Variants in MS4A4A observed in about 807,000 individuals in gnomAD.
The protein encoded by MS4A4A is membrane-spanning 4-domains subfamily A member 4A.
Under a neutral mutation model 28.0 loss-of-function variants are expected in MS4A4A, and 26 were observed. The observed-to-expected ratio is 0.93, with a 90% confidence interval of 0.68 to 1.29. The LOEUF (loss-of-function observed/expected upper bound fraction) is 1.29, where lower values mean the gene tolerates loss of function less well. Among genes scored for constraint, MS4A4A ranks in the 50% most tolerant of loss-of-function variants. The pLI, the probability that MS4A4A is intolerant of heterozygous loss-of-function variation, is 0.00. For synonymous variants in MS4A4A, 86 were observed against 100.8 expected, an observed-to-expected ratio of 0.85 and a Z score of 0.88; for missense variants, 290 against 293.1, an observed-to-expected ratio of 0.99 and a Z score of 0.08.
chr11:60,287,700 T>G (rs970866907), intron 1 of MS4A4A, among the ~76,000 whole-genome samples: 1 of 152,190 alleles, frequency 6.6e-6, no homozygotes. Context: ...TGGATGAGAC[T>G]CAAGGTATGA....
At chr11:60,280,865 C>A (rs895380362) in intron 1 of MS4A4A, 149 bp downstream of exon 1, 1 of 875,258 alleles carries the variant, frequency 1.1e-6, no homozygotes, top group Non-Finnish European at 1.8e-6. Flanking sequence ...GGGTTGAGTG[C>A]ACCTTTAAAT....
Position 60,281,884 on chromosome 11 carries a change from C to T in MS4A4A, c.41+1168C>T, listed in dbSNP as rs146192565. ...ACCAAGGTTTAAATTCTTCTCCAAC[C>T]TGGAAGAAATGTCCCTCATATGCAT... On this transcript the variant is annotated intron_variant, in intron 1 of 6. Coordinates refer to ENST00000337908, the MANE Select transcript of MS4A4A (RefSeq NM_148975.3). 3.6e-4 allele frequency among the ~76,000 whole-genome samples: 55 copies of T among 152,204 alleles called. No homozygotes were observed. The East Asian group carries it at 8.7e-3, about 24-fold the overall frequency.
rs763984914 is a variant in MS4A4A at position 60,308,226 on chromosome 11, T to G, written c.*48T>G. On this transcript the variant is annotated 3_prime_UTR_variant, in exon 7 of 7. Transcript: ENST00000337908. The stretch of plus-strand genomic sequence containing the variant: ...AAATGCTCCAGAAATCTATGCTGAC[T>G]GTGACACAAGAGCCTCACATGAGAA... 11 of 1,564,196 alleles carry G rather than the reference T, an allele frequency of 7.0e-6. No individual in the cohort carries two copies. The highest frequency in any genetic ancestry group is 9.7e-6 in the Non-Finnish European group (11 of 1,135,666).
At chr11:60,294,400 G>T (rs1054592778) in intron 2 of MS4A4A, among the ~76,000 whole-genome samples, 1 of 152,118 alleles carries the variant, frequency 6.6e-6, no homozygotes, top group Non-Finnish European at 1.5e-5. Flanking sequence ...CTCCCAGTCT[G>T]TTGTTTGTCT....
intron 3 of MS4A4A, among the ~76,000 whole-genome samples, chr11:60,299,664 G>A (rs1300769680): frequency 2.0e-5 from 3 of 151,808 alleles, no homozygotes; most frequent in Admixed American, 1.3e-4. Flanking sequence ...TAGTACAGAC[G>A]GGGTTTCACT....
intron 5 of MS4A4A, among the ~76,000 whole-genome samples, chr11:60,304,273 G>A (rs1321516697): frequency 6.6e-6 from 1 of 152,182 alleles, no homozygotes; most frequent in Non-Finnish European, 1.5e-5. Context: ...CAACTTGATA[G>A]GGCTGATTTC....
Position 60,287,812 on chromosome 11 carries a change from C to A in MS4A4A, c.42-4413C>A, listed in dbSNP as rs184612322. On this transcript the variant is annotated intron_variant, in intron 1 of 6. Transcript: ENST00000337908. ...GAAACAGGTGCAGAATAGACTTTCT[C>A]AGTTCAAAAGAAATAACTAGGCAAG... Among the ~76,000 whole-genome samples the A allele has an allele frequency of 1.3e-3, 194 of 152,322 alleles. 1 individual carries two copies. Among genetic ancestry groups the A allele is most frequent in the Non-Finnish European group, 8.5e-4 (58 of 68,022 alleles).
chr11:60,304,592 T>C (rs1305279911), intron 5 of MS4A4A, among the ~76,000 whole-genome samples: 1 of 152,262 alleles, frequency 6.6e-6, no homozygotes, highest in Non-Finnish European at 1.5e-5. Flanking sequence ...CAGGTCTATA[T>C]ACATGCTACC....
chr11:60,283,172 A>G (rs1287073612), intron 1 of MS4A4A, among the ~76,000 whole-genome samples: 1 of 152,138 alleles, frequency 6.6e-6, no homozygotes, highest in Non-Finnish European at 1.5e-5. Flanking sequence ...GGCTTACTGC[A>G]GCCTGGGCCT....
At chr11:60,308,013 GT>G (rs770919013) in intron 6 of MS4A4A, 93 bp from the exon 7 acceptor site, 39 of 1,102,474 alleles carry the variant, frequency 3.5e-5, no homozygotes, top group African/African-American at 6.2e-5. Flanking sequence ...GAAGAAAAGA[GT>G]AAACTCTGAT....
chr11:60,288,211 A>T (rs1008854707), intron 1 of MS4A4A, among the ~76,000 whole-genome samples: 3 of 152,198 alleles, frequency 2.0e-5, no homozygotes, highest in Admixed American at 6.5e-5. Flanking sequence ...ATCCTTTGAA[A>T]CTAGGTGGCG....
intron 1 of MS4A4A, among the ~76,000 whole-genome samples, chr11:60,284,329 T>C (rs1300675136): frequency 6.6e-6 from 1 of 152,240 alleles, no homozygotes; most frequent in Non-Finnish European, 1.5e-5. Flanking sequence ...ATTCCTACTA[T>C]CACTTACTCA....
Position 60,292,267 on chromosome 11 carries a change from G to C in MS4A4A, c.84G>C (p.Gln28His). ...TGACAACCATGCAAGGAATGGAACA[G>C]GCCATGCCAGGGGCTGGCCCTGGTG... The part of the protein sequence containing the change: ...AAMTTMQGME[Q>H]AMPGAGPGVP... Residue 28 changes from glutamine to histidine, a missense_variant, in exon 2 of 7, where the codon CAG becomes CAC. Physicochemically the swap from Gln to His is conservative, Grantham distance 24 (BLOSUM62 0). Coordinates refer to ENST00000337908, the MANE Select transcript of MS4A4A (RefSeq NM_148975.3). 1 of 1,603,594 alleles carries C rather than the reference G, an allele frequency of 6.2e-7. No homozygotes were observed. Among genetic ancestry groups the C allele is most frequent in the Non-Finnish European group, 8.5e-7 (1 of 1,175,674 alleles).
In MS4A4A at chr11:60,302,550, C is replaced by CCT. The variant is rs2084960780; in HGVS notation, c.388-8_388-7dup. 2 of 1,612,832 alleles carry CCT rather than the reference C, an allele frequency of 1.2e-6. No homozygotes were observed. Among genetic ancestry groups the CCT allele is most frequent in the Admixed American group, 3.3e-5 (2 of 59,802 alleles). On this transcript the variant is annotated splice_polypyrimidine_tract_variant and intron_variant, in intron 4 of 6. Coordinates refer to ENST00000337908, the MANE Select transcript of MS4A4A (RefSeq NM_148975.3). ...TTGGATTGTTTAATTGATTTTCATTCCTTTCTAGGTCCGAGGTAGTCTAGG... is the reference window on the plus strand; with the variant it reads ...TTGGATTGTTTAATTGATTTTCATTCCTCTTTCTAGGTCCGAGGTAGTCTAGG...
intron 2 of MS4A4A, among the ~76,000 whole-genome samples, chr11:60,294,964 C>G (rs1203287313): frequency 3.7e-5 from 3 of 81,680 alleles, no homozygotes; most frequent in Non-Finnish European, 8.5e-5. Context: ...ATTGTGTTTG[C>G]TATTCTGAGT....
chr11:60,281,455 GAAAAAC>G (rs375751867), intron 1 of MS4A4A, among the ~76,000 whole-genome samples: 57 of 152,068 alleles, frequency 3.7e-4, no homozygotes, highest in Admixed American at 2.4e-3. Flanking sequence ...AGGGCTGGGA[GAAAAAC>G]AAAAACAAAA....
chr11:60,290,081 T>C (rs1168402364), intron 1 of MS4A4A: 8 of 445,792 alleles, frequency 1.8e-5, no homozygotes, highest in Non-Finnish European at 3.2e-5. Flanking sequence ...TCCTTCTTTA[T>C]GGACTCCAAT....
At chr11:60,287,593 C>A (rs1242140257) in intron 1 of MS4A4A, among the ~76,000 whole-genome samples, 1 of 152,210 alleles carries the variant, frequency 6.6e-6, no homozygotes, top group African/African-American at 2.4e-5. Flanking sequence ...TTCTCACATA[C>A]AAAATACAAT....
At chr11:60,282,657 A>C in intron 1 of MS4A4A, 1 of 1,285,104 alleles carries the variant, frequency 7.8e-7, no homozygotes, top group Non-Finnish European at 1.0e-6. Flanking sequence ...GTCTCAATAT[A>C]GGAATGAAAT....
Sources: gnomAD v4.1 joint callset for allele counts (sites outside exome capture counted in the v4.1 genomes callset) on GRCh38, gnomAD v4.1.1 for gene constraint, MANE v1.5 for transcripts, NCBI Gene and HGNC (gene_info 2026-07-23, HGNC 2026-07-21) for gene names.